UBE2B: variants seen among roughly 807,000 people sequenced by gnomAD.
UBE2B encodes the protein ubiquitin-conjugating enzyme E2 B.
A neutral mutation model predicts 24.6 loss-of-function variants in UBE2B; 11 were observed. The observed-to-expected ratio is 0.45, with a 90% CI of 0.28 to 0.74. UBE2B has a LOEUF of 0.74. Ranked by LOEUF, UBE2B falls within the 30% of genes least tolerant of loss-of-function variation. The probability of loss-of-function intolerance (pLI) is 0.13; values close to 1 mark genes in which losing one functional copy is unlikely to be tolerated. For missense variants in UBE2B, 78 were observed against 185.6 expected, an observed-to-expected ratio of 0.42 and a Z score of 3.37; for synonymous variants, 68 against 62.4, an observed-to-expected ratio of 1.09 and a Z score of -0.42.
At chr5:134,380,668 G>A (rs1470213528) in intron 3 of UBE2B, 51 bp from the exon 4 acceptor site, 4 of 1,072,962 alleles carry the variant, frequency 3.7e-6, no homozygotes, top group Non-Finnish European at 5.7e-6. Flanking sequence ...CTGATGAAGA[G>A]ATTAAAAAGT....
At chr5:134,380,568 T>G (rs780883000) in intron 3 of UBE2B, 151 bp from the exon 4 acceptor site, 26 of 581,476 alleles carry the variant, frequency 4.5e-5, no homozygotes, top group Non-Finnish European at 6.9e-5. Flanking sequence ...CTAACATAAA[T>G]AGAGTATATT....
chr5:134,374,521 CAT>C (rs1758565776), intron 2 of UBE2B, 58 bp downstream of exon 2: 2 of 1,509,030 alleles, frequency 1.3e-6, no homozygotes, highest in Non-Finnish European at 1.8e-6. Flanking sequence ...GAAAAGTAAA[CAT>C]ATAACAACTG....
intron 5 of UBE2B, chr5:134,389,844 A>G (rs1410058206): frequency 3.7e-6 from 1 of 270,474 alleles, no homozygotes; most frequent in Non-Finnish European, 7.2e-6. Context: ...ACCACACCCG[A>G]CCTCTTTTTC....
intron 3 of UBE2B, among the ~76,000 whole-genome samples, chr5:134,378,471 G>A (rs558025799): frequency 7.9e-5 from 12 of 152,148 alleles, no homozygotes; most frequent in Non-Finnish European, 1.8e-4. Flanking sequence ...TGTTGGCCAG[G>A]CTGGGGCCTT....
intron 4 of UBE2B, among the ~76,000 whole-genome samples, chr5:134,383,222 T>G (rs1325917621): frequency 6.6e-6 from 1 of 152,194 alleles, no homozygotes; most frequent in East Asian, 1.9e-4. Flanking sequence ...TTACATAGAT[T>G]TATCATATTT....
intron 2 of UBE2B, among the ~76,000 whole-genome samples, chr5:134,376,339 AAAAAAAAAAAT>A (rs1244256713): frequency 1.1e-4 from 8 of 76,156 alleles, no homozygotes; most frequent in Admixed American, 1.8e-4. Flanking sequence ...AAAAAAAAAA[AAAAAAAAAAAT>A]ATATATATAT....
At chr5:134,381,027 C>G (rs1318831574) in intron 4 of UBE2B, among the ~76,000 whole-genome samples, 1 of 125,020 alleles carries the variant, frequency 8.0e-6, no homozygotes, top group Non-Finnish European at 1.6e-5. Context: ...AGTGCAGTGG[C>G]GCGATCTCGG....
rs1357816193 is a variant in UBE2B, at chr5:134,383,519, A to G, written c.241+2711A>G. Among the ~76,000 whole-genome samples, 5 of 115,352 alleles carry G rather than the reference A, an allele frequency of 4.3e-5. No individual in the cohort carries two copies. The East Asian group carries it at 7.4e-4, about 17-fold the overall frequency. 75.7% of individuals were successfully genotyped at this position (115,352 alleles called of 152,430 possible). A position where few individuals can be genotyped will look rare whatever the true frequency, so the allele number is the denominator to read the frequency against. On this transcript the variant is annotated intron_variant, in intron 4 of 5. Transcript: ENST00000265339. Reference sequence around the variant, plus strand: ...TTTTTTTGAGACAGAGTCTTGCTCTATCGGCCAGGCTGGAGTGCAGTGGCA... The same window carrying G: ...TTTTTTTGAGACAGAGTCTTGCTCTGTCGGCCAGGCTGGAGTGCAGTGGCA...
intron 4 of UBE2B, among the ~76,000 whole-genome samples, chr5:134,386,603 T>C (rs1472292983): frequency 1.3e-5 from 2 of 150,416 alleles, no homozygotes; most frequent in African/African-American, 4.9e-5. Context: ...TTGCACTCCA[T>C]CCTGGGCAAC....
intron 2 of UBE2B, chr5:134,374,698 G>A (rs750807161): frequency 6.3e-5 from 30 of 477,074 alleles, no homozygotes; most frequent in Middle Eastern, 6.0e-4. Context: ...GGGCGATATA[G>A]TGAGACAGTG....
intron 4 of UBE2B, among the ~76,000 whole-genome samples, chr5:134,381,262 C>G (rs1758705150): frequency 6.6e-6 from 1 of 151,656 alleles, no homozygotes; most frequent in Admixed American, 6.6e-5. Context: ...TGGTTTGTTT[C>G]TTATTTCTTC....
At chr5:134,387,240 G>C (rs1561682981) in intron 4 of UBE2B, among the ~76,000 whole-genome samples, 1 of 152,160 alleles carries the variant, frequency 6.6e-6, no homozygotes, top group Non-Finnish European at 1.5e-5. Context: ...TTATGGGTGT[G>C]AGCCACTGCG....
At chr5:134,375,648 A>T (rs1758585031) in intron 2 of UBE2B, among the ~76,000 whole-genome samples, 1 of 151,912 alleles carries the variant, frequency 6.6e-6, no homozygotes, top group African/African-American at 2.4e-5. Context: ...TACAAAAAAA[A>T]ATTAGCCGGG....
rs555500464 is a variant in UBE2B, at chr5:134,390,650, T to C, written c.*297T>C. ...ACAGAATATACACATTTTGTAAATC[T>C]GTACTTTTTTCAAATATTGAATGCC... On this transcript the variant is annotated 3_prime_UTR_variant, in exon 6 of 6. Transcript: ENST00000265339. The surrounding 1 kb of genome is among the most constrained non-coding windows in gnomAD (Gnocchi z 4.6). The C allele has an allele frequency of 6.3e-5, 16 of 252,984 alleles. No homozygotes were observed. The highest frequency in any genetic ancestry group is 1.5e-4 in the Admixed American group (3 of 19,610). The allele number at this position is 252,984 out of a possible 1,614,324, so 15.7% of individuals were successfully genotyped here.
chr5:134,378,857 A>C (rs1758653307), intron 3 of UBE2B, among the ~76,000 whole-genome samples: 1 of 149,930 alleles, frequency 6.7e-6, no homozygotes, highest in Admixed American at 6.7e-5. Context: ...TGAACCTGGG[A>C]GGCAGAGGTT....
rs1407068467 is a variant in UBE2B at position 134,381,435 on chromosome 5, TTTTC to T, written c.241+631_241+634del. On this transcript the variant is annotated intron_variant, in intron 4 of 5. Coordinates refer to ENST00000265339, the MANE Select transcript of UBE2B (RefSeq NM_003337.4). The stretch of plus-strand genomic sequence containing the variant: ...CATGCCCAGCTAATTTTTTTGTTTG[TTTTC>T]TTTTTCTTTTTTGTAGACACAAAGT... Among the ~76,000 whole-genome samples, 5 of 152,148 alleles carry T rather than the reference TTTTC, an allele frequency of 3.3e-5. No individual in the cohort carries two copies. In the South Asian group the frequency reaches 8.3e-4, roughly 25 times the overall value.
intron 3 of UBE2B, among the ~76,000 whole-genome samples, chr5:134,379,761 GA>G (rs963427941): frequency 2.6e-5 from 4 of 152,110 alleles, no homozygotes; most frequent in African/African-American, 9.7e-5. Flanking sequence ...GTAATAGATG[GA>G]GTGCAGAAGC....
At position 134,376,682 on chromosome 5, in the gene UBE2B, C is replaced by G; in HGVS notation, c.139C>G (p.Pro47Ala). ...TCTTGTTTTCAGACCAGAAGGGACA[C>G]CTTTTGAAGATGGTAAGTCATACTC... ...NAVIFGPEGT[P>A]FEDGTFKLVI... is the part of the protein sequence containing the mutation. Residue 47 changes from proline (P) to alanine (A), a missense_variant, in exon 3 of 6, where the codon CCT becomes GCT. By Grantham distance (27) the Pro-to-Ala change is conservative. Around this residue, in one of 2 missense-constraint regions of UBE2B, gnomAD observed 57 missense variants for 167.7 expected, o/e 0.34. Coordinates refer to ENST00000265339, the MANE Select transcript of UBE2B (RefSeq NM_003337.4). The G allele has an allele frequency of 6.2e-7, 1 of 1,611,244 alleles. No individual in the cohort carries two copies. Among genetic ancestry groups the G allele is most frequent in the Non-Finnish European group, 8.5e-7 (1 of 1,178,778 alleles).
intron 4 of UBE2B, among the ~76,000 whole-genome samples, chr5:134,386,564 G>A (rs191160047): frequency 7.9e-5 from 12 of 151,844 alleles, no homozygotes; most frequent in Admixed American, 2.0e-4. Flanking sequence ...CCTGGGAGGC[G>A]GAGCTTGCAG....
Sources: allele counts gnomAD v4.1 joint callset (sites outside exome capture counted in the v4.1 genomes callset), GRCh38; gene constraint gnomAD v4.1.1; regional missense constraint gnomAD v4.1.1; non-coding constraint Gnocchi (gnomAD v3.1); transcripts MANE v1.5; gene names NCBI Gene and HGNC (gene_info 2026-07-23, HGNC 2026-07-21).